The following TMCC3 variants were observed in gnomAD, a reference collection of about 807,000 sequenced individuals.
TMCC3 encodes transmembrane and coiled-coil domain protein 3.
A neutral mutation model predicts 40.2 loss-of-function variants in TMCC3; 28 were observed. The ratio of observed to expected loss-of-function variants is 0.70; its 90% CI spans 0.52 to 0.95. The LOEUF is 0.95. Ranked by LOEUF, TMCC3 falls within the 40% of genes least tolerant of loss-of-function variation. TMCC3 has a pLI of 0.00. For synonymous variants in TMCC3, 255 were observed against 248.5 expected (o/e 1.03, Z -0.25); for missense variants, 554 against 615.2 (o/e 0.90, Z 1.05).
chr12:94,645,302 A>G (rs1237554029), intron 1 of TMCC3, among the ~76,000 whole-genome samples: 2 of 152,256 alleles, frequency 1.3e-5, no homozygotes, highest in Non-Finnish European at 2.9e-5. Context: ...GCAATGCTAG[A>G]AAAGTCTATA....
At chr12:94,628,860 C>T (rs2068917400) in intron 1 of TMCC3, among the ~76,000 whole-genome samples, 1 of 152,224 alleles carries the variant, frequency 6.6e-6, no homozygotes, top group African/African-American at 2.4e-5. Flanking sequence ...GGACTAAAAT[C>T]ACTGCAAGAT....
intron 1 of TMCC3, among the ~76,000 whole-genome samples, chr12:94,642,442 G>A (rs529008638): frequency 2.0e-5 from 3 of 152,290 alleles, no homozygotes; most frequent in Admixed American, 1.3e-4. Flanking sequence ...TGTGGACACC[G>A]GGCTATGTTT....
At chr12:94,627,950 C>T (rs971073280) in intron 1 of TMCC3, among the ~76,000 whole-genome samples, 1 of 152,200 alleles carries the variant, frequency 6.6e-6, no homozygotes, top group Non-Finnish European at 1.5e-5. Context: ...GTGCTCAATA[C>T]ACATTTACTG....
rs114841107 is a variant in TMCC3, at chr12:94,641,898, T to C, written c.78+8455A>G. On this transcript the variant is annotated intron_variant, in intron 1 of 3. Transcript: ENST00000261226. ...CTTTATACTGAAAAAATGAAGACAC[T>C]AAGAGGAACCACAAAAAATATATAT... Among the ~76,000 whole-genome samples, 866 of 151,586 alleles carry C rather than the reference T, an allele frequency of 5.7e-3. 13 individuals carry two copies. The highest frequency in any genetic ancestry group is 0.02 in the African/African-American group (824 of 41,330).
At position 94,582,149 on chromosome 12, in the gene TMCC3, G is replaced by A. The variant is rs2068607231; in HGVS notation, c.468C>T (p.Ser156=). 1 of 1,614,016 alleles carries A rather than the reference G, an allele frequency of 6.2e-7. No homozygotes were observed. Among genetic ancestry groups the A allele is most frequent in the South Asian group, 1.1e-5 (1 of 91,082 alleles). Residue 156 remains serine, a synonymous_variant, in exon 2 of 4, where the codon TCC becomes TCT. Coordinates refer to ENST00000261226, the MANE Select transcript of TMCC3 (RefSeq NM_020698.4). ...NGASRSSKDI[S]KDHLKDIHRS... is the part of the protein sequence containing the mutation. Reference sequence around the variant, plus strand: ...GATGTATATCCTTCAGGTGGTCTTTGGAAATGTCCTTTGAGCTCCTAGAGG... The same window carrying A: ...GATGTATATCCTTCAGGTGGTCTTTAGAAATGTCCTTTGAGCTCCTAGAGG...
chr12:94,595,268 A>G (rs568547004), intron 1 of TMCC3, among the ~76,000 whole-genome samples: 1 of 152,322 alleles, frequency 6.6e-6, no homozygotes, highest in East Asian at 1.9e-4. Context: ...TTAAGAGGCT[A>G]GGTATGTCAT....
At chr12:94,600,757 C>A (rs1463599709) in intron 1 of TMCC3, among the ~76,000 whole-genome samples, 1 of 152,168 alleles carries the variant, frequency 6.6e-6, no homozygotes, top group African/African-American at 2.4e-5. Flanking sequence ...TTCCAAAGGA[C>A]TTCTTCTCCT....
intron 1 of TMCC3, among the ~76,000 whole-genome samples, chr12:94,636,728 G>A (rs2068962867): frequency 1.3e-5 from 2 of 152,248 alleles, no homozygotes; most frequent in South Asian, 4.1e-4. Context: ...TGGCCCTGAA[G>A]AAACAAACTG....
intron 1 of TMCC3, chr12:94,644,484 A>C: frequency 2.1e-6 from 2 of 972,044 alleles, no homozygotes; most frequent in Non-Finnish European, 2.4e-6. Flanking sequence ...GGTGATCTCT[A>C]CAGCGGATGT....
At chr12:94,609,323 T>C (rs2068801637) in intron 1 of TMCC3, among the ~76,000 whole-genome samples, 1 of 152,152 alleles carries the variant, frequency 6.6e-6, no homozygotes, top group African/African-American at 2.4e-5. Context: ...CCAGGTGTGA[T>C]TCAACAGCCT....
chr12:94,630,177 C>T (rs935004025), intron 1 of TMCC3, among the ~76,000 whole-genome samples: 38 of 151,570 alleles, frequency 2.5e-4, no homozygotes, highest in African/African-American at 9.2e-4. Context: ...GAGACATGAA[C>T]CCAGGAGGTG....
At chr12:94,572,040 G>GC (rs1349156285) in intron 3 of TMCC3, among the ~76,000 whole-genome samples, 58 of 151,976 alleles carry the variant, frequency 3.8e-4, no homozygotes, top group African/African-American at 1.3e-3. Context: ...TTGCTCTGTC[G>GC]CCAGGCTGGA....
intron 1 of TMCC3, chr12:94,598,686 C>T: frequency 1.0e-6 from 1 of 985,414 alleles, no homozygotes; most frequent in Non-Finnish European, 1.2e-6. Flanking sequence ...GCTCTGCCGT[C>T]AATAAGAGGA....
chr12:94,617,873 C>A (rs1300108429), intron 1 of TMCC3, among the ~76,000 whole-genome samples: 13 of 152,198 alleles, frequency 8.5e-5, no homozygotes. Flanking sequence ...GAAAACTCTA[C>A]TGTAATATTT....
At chr12:94,603,153 C>G (rs552405369) in intron 1 of TMCC3, among the ~76,000 whole-genome samples, 1 of 152,296 alleles carries the variant, frequency 6.6e-6, no homozygotes, top group Non-Finnish European at 1.5e-5. Context: ...GGCGCAATCT[C>G]GGTTCACCGC....
intron 1 of TMCC3, among the ~76,000 whole-genome samples, chr12:94,620,271 A>C (rs1424263932): frequency 6.6e-6 from 1 of 151,196 alleles, no homozygotes; most frequent in Non-Finnish European, 1.5e-5. Flanking sequence ...GTACTGTGGA[A>C]ATTTTTTTTT....
chr12:94,607,704 C>A (rs899059582), intron 1 of TMCC3, among the ~76,000 whole-genome samples: 3 of 152,118 alleles, frequency 2.0e-5, no homozygotes, highest in Admixed American at 2.0e-4. Context: ...CCGTGCCCAG[C>A]CTGAAAGAAG....
intron 1 of TMCC3, among the ~76,000 whole-genome samples, chr12:94,584,086 A>G (rs1444002469): frequency 6.6e-6 from 1 of 152,116 alleles, no homozygotes; most frequent in East Asian, 1.9e-4. Context: ...ACTAAGTGAT[A>G]TGGTTTGGAT....
chr12:94,647,875 C>A (rs2069028890), intron 1 of TMCC3, among the ~76,000 whole-genome samples: 1 of 152,198 alleles, frequency 6.6e-6, no homozygotes, highest in African/African-American at 2.4e-5. Flanking sequence ...ATCAACCCTG[C>A]TTGAGAAAAG....
Sources: allele counts gnomAD v4.1 joint callset (sites outside exome capture counted in the v4.1 genomes callset), GRCh38; gene constraint gnomAD v4.1.1; transcripts MANE v1.5; gene names NCBI Gene and HGNC (gene_info 2026-07-23, HGNC 2026-07-21).